Variants in RSRC1 observed in about 807,000 individuals in gnomAD.
RSRC1 encodes arginine and serine rich coiled-coil 1.
Under a neutral mutation model 49.1 loss-of-function variants are expected in RSRC1, and 39 were observed. The ratio of observed to expected loss-of-function variants is 0.79; its 90% CI spans 0.61 to 1.04. RSRC1 has a LOEUF of 1.04. RSRC1 is among the 50% of genes least tolerant of loss of function. RSRC1 has a pLI of 0.00. For synonymous variants in RSRC1, 143 were observed against 130.8 expected, an observed-to-expected ratio of 1.09 and a Z score of -0.63; for missense variants, 388 against 402.4, an observed-to-expected ratio of 0.96 and a Z score of 0.31.
chr3:158,472,028 T>C (rs144771600), intron 7 of RSRC1, among the ~76,000 whole-genome samples: 1 of 152,254 alleles, frequency 6.6e-6, no homozygotes, highest in East Asian at 1.9e-4. Flanking sequence ...AGCACTAAAA[T>C]ATAGATCACT....
chr3:158,487,949 G>GAAAAAAAAAAAAA lies in RSRC1; in HGVS notation c.652+26959_652+26971dup, dbSNP rs58689210. Among the ~76,000 whole-genome samples, 84 of 28,916 alleles carry GAAAAAAAAAAAAA rather than the reference G, an allele frequency of 2.9e-3. 8 individuals carry two copies. The highest frequency in any genetic ancestry group is 5.3e-3 in the African/African-American group (40 of 7,484). The allele number at this position is 28,916 out of a possible 152,430, so 19.0% of individuals were successfully genotyped here. A position where few individuals can be genotyped will look rare whatever the true frequency, so the allele number is the denominator to read the frequency against. On this transcript the variant is annotated intron_variant, in intron 7 of 9. Transcript: ENST00000611884. The stretch of plus-strand genomic sequence containing the variant: ...TAGGAGACAAGAGACTCCATCTCAA[G>GAAAAAAAAAAAAA]AAAAAAAAAAAAAAAAAAAAAAAAA...
At chr3:158,197,749 A>AC (rs1720728485) in intron 3 of RSRC1, among the ~76,000 whole-genome samples, 1 of 151,870 alleles carries the variant, frequency 6.6e-6, no homozygotes, top group Admixed American at 6.6e-5. Flanking sequence ...TTCGTTATGT[A>AC]CCCAGTAGTC....
intron 4 of RSRC1, among the ~76,000 whole-genome samples, chr3:158,216,373 T>C (rs1721943730): frequency 6.6e-6 from 1 of 151,574 alleles, no homozygotes; most frequent in Admixed American, 6.6e-5. Flanking sequence ...TTTTCTGTAA[T>C]ATATTTTATA....
At chr3:158,215,298 G>GTTTTTTTTTTTT (rs34551128) in intron 4 of RSRC1, among the ~76,000 whole-genome samples, 1 of 131,218 alleles carries the variant, frequency 7.6e-6, no homozygotes, top group African/African-American at 2.8e-5. Context: ...CATATAGATA[G>GTTTTTTTTTTTT]TTTTTTTTTT....
At chr3:158,458,963 T>A (rs1737482539) in intron 6 of RSRC1, among the ~76,000 whole-genome samples, 1 of 152,206 alleles carries the variant, frequency 6.6e-6, no homozygotes, top group East Asian at 1.9e-4. Context: ...GAGTTTATCC[T>A]AAGGACTCAA....
intron 5 of RSRC1, among the ~76,000 whole-genome samples, chr3:158,351,952 T>C (rs1324456559): frequency 6.8e-6 from 1 of 147,602 alleles, no homozygotes; most frequent in Non-Finnish European, 1.5e-5. Flanking sequence ...ATAATTATAA[T>C]ATATAAATAT....
intron 6 of RSRC1, among the ~76,000 whole-genome samples, chr3:158,411,617 A>G (rs1449230322): frequency 1.3e-5 from 2 of 152,008 alleles, no homozygotes; most frequent in Non-Finnish European, 2.9e-5. Context: ...TGCTAAGCTC[A>G]AGCAATCCTC....
At chr3:158,155,633 G>C (rs1479946062) in intron 3 of RSRC1, among the ~76,000 whole-genome samples, 1 of 139,268 alleles carries the variant, frequency 7.2e-6, no homozygotes, top group Non-Finnish European at 1.5e-5. Flanking sequence ...TGTAGAGATT[G>C]GGTTTCACCA....
intron 5 of RSRC1, among the ~76,000 whole-genome samples, chr3:158,340,544 A>G (rs544702195): frequency 6.6e-6 from 1 of 152,288 alleles, no homozygotes; most frequent in South Asian, 2.1e-4. Context: ...CCGTCTCAAA[A>G]AAAGAAAAAG....
chr3:158,143,857 C>G (rs1716908565), intron 3 of RSRC1, among the ~76,000 whole-genome samples: 2 of 152,036 alleles, frequency 1.3e-5, no homozygotes, highest in African/African-American at 4.8e-5. Flanking sequence ...GCCAAAGGCT[C>G]TAGTAATCAT....
At position 158,395,698 on chromosome 3, in the gene RSRC1, G is replaced by A. The variant is rs778666503; in HGVS notation, c.583+40790G>A. Among the ~76,000 whole-genome samples the A allele has an allele frequency of 2.4e-4, 37 of 152,128 alleles. 1 individual carries two copies. Among genetic ancestry groups the A allele is most frequent in the Admixed American group, 9.8e-4 (15 of 15,260 alleles). On this transcript the variant is annotated intron_variant, in intron 6 of 9. Coordinates refer to ENST00000611884, the MANE Select transcript of RSRC1 (RefSeq NM_001271838.2). ...AATAACAGGTCCTGGCAAGGTTGTG[G>A]AGAAAAGGAATGCTTATACACTGCT...
At chr3:158,285,951 A>G (rs531992675) in intron 4 of RSRC1, among the ~76,000 whole-genome samples, 1 of 152,160 alleles carries the variant, frequency 6.6e-6, no homozygotes, top group East Asian at 1.9e-4. Flanking sequence ...TGGTGTTTTC[A>G]CCTTTGCTTG....
chr3:158,456,313 T>TG (rs1737315168), intron 6 of RSRC1, among the ~76,000 whole-genome samples: 1 of 150,790 alleles, frequency 6.6e-6, no homozygotes, highest in South Asian at 2.1e-4. Context: ...GTGAGGGTTT[T>TG]TTTTTTTTTT....
intron 3 of RSRC1, among the ~76,000 whole-genome samples, chr3:158,191,662 C>T (rs981721328): frequency 1.1e-4 from 17 of 151,852 alleles, no homozygotes; most frequent in Admixed American, 9.2e-4. Flanking sequence ...TGTTTCTTTG[C>T]TTATAATAGA....
intron 4 of RSRC1, among the ~76,000 whole-genome samples, chr3:158,256,665 C>A (rs1724579334): frequency 6.6e-6 from 1 of 152,048 alleles, no homozygotes; most frequent in South Asian, 2.1e-4. Flanking sequence ...CTCTTTGTAC[C>A]TCTAGTAGAA....
At chr3:158,116,339 A>T (rs1368960658) in intron 1 of RSRC1, among the ~76,000 whole-genome samples, 1 of 152,192 alleles carries the variant, frequency 6.6e-6, no homozygotes, top group African/African-American at 2.4e-5. Flanking sequence ...TAATAAAAGC[A>T]GCTAATTCAA....
chr3:158,371,253 T>C (rs1278094484), intron 6 of RSRC1, among the ~76,000 whole-genome samples: 1 of 151,954 alleles, frequency 6.6e-6, no homozygotes, highest in Non-Finnish European at 1.5e-5. Context: ...AATTAATGAT[T>C]TGTATACAGC....
chr3:158,511,683 C>T (rs1740187061), intron 7 of RSRC1, among the ~76,000 whole-genome samples: 1 of 152,170 alleles, frequency 6.6e-6, no homozygotes, highest in African/African-American at 2.4e-5. Flanking sequence ...TTCTAGATCC[C>T]TGAGGAATCA....
At chr3:158,528,465 C>T (rs753941029) in intron 7 of RSRC1, among the ~76,000 whole-genome samples, 1 of 151,750 alleles carries the variant, frequency 6.6e-6, no homozygotes, top group South Asian at 2.1e-4. Context: ...AAAAGAGCTG[C>T]GTATCTCTGA....
Sources: gnomAD v4.1 joint callset for allele counts (sites outside exome capture counted in the v4.1 genomes callset) on GRCh38, gnomAD v4.1.1 for gene constraint, MANE v1.5 for transcripts, NCBI Gene and HGNC (gene_info 2026-07-23, HGNC 2026-07-21) for gene names.